CNTNAP5: variants seen among roughly 807,000 people sequenced by gnomAD.
The protein encoded by CNTNAP5 is contactin-associated protein-like 5.
CNTNAP5 carries 72 observed loss-of-function variants against 150.2 expected under a neutral mutation model. The observed-to-expected ratio is 0.48, with a 90% CI of 0.40 to 0.58. The LOEUF (loss-of-function observed/expected upper bound fraction) is 0.58. Among genes scored for constraint, CNTNAP5 ranks in the 20% least tolerant of loss-of-function variants. The pLI is 0.00. For missense variants in CNTNAP5, 1,636 were observed against 1,626.2 expected, an observed-to-expected ratio of 1.01 and a Z score of -0.10; for synonymous variants, 672 against 619.8, an observed-to-expected ratio of 1.08 and a Z score of -1.25.
At chr2:124,236,040 A>G (rs945379673) in intron 2 of CNTNAP5, among the ~76,000 whole-genome samples, 1 of 152,114 alleles carries the variant, frequency 6.6e-6, no homozygotes, top group East Asian at 1.9e-4. Flanking sequence ...ATCTTGGCTC[A>G]TTGAAACCTC....
At chr2:124,700,843 A>G (rs555947586) in intron 13 of CNTNAP5, among the ~76,000 whole-genome samples, 1 of 152,130 alleles carries the variant, frequency 6.6e-6, no homozygotes, top group African/African-American at 2.4e-5. Flanking sequence ...AGATACATAT[A>G]GATATTAGGT....
intron 1 of CNTNAP5, among the ~76,000 whole-genome samples, chr2:124,164,209 C>T (rs987734507): frequency 9.2e-5 from 14 of 152,184 alleles, no homozygotes; most frequent in Non-Finnish European, 1.2e-4. Context: ...ACGCAATACT[C>T]CTGCCTTCAT....
At chr2:124,104,196 T>A (rs1558756704) in intron 1 of CNTNAP5, among the ~76,000 whole-genome samples, 1 of 151,940 alleles carries the variant, frequency 6.6e-6, no homozygotes, top group Non-Finnish European at 1.5e-5. Flanking sequence ...TTTTCTTTCA[T>A]TTTTGAAGGA....
intron 1 of CNTNAP5, among the ~76,000 whole-genome samples, chr2:124,091,399 C>T (rs1682809022): frequency 6.6e-6 from 1 of 152,116 alleles, no homozygotes; most frequent in African/African-American, 2.4e-5. Flanking sequence ...AGAGAAATGA[C>T]TTGCAAAATT....
At chr2:124,521,585 G>A (rs1340894036) in intron 8 of CNTNAP5, among the ~76,000 whole-genome samples, 4 of 151,966 alleles carry the variant, frequency 2.6e-5, no homozygotes, top group African/African-American at 9.7e-5. Context: ...TAATTCGAGG[G>A]GACACTCACT....
At chr2:124,552,363 A>G (rs1460318284) in intron 10 of CNTNAP5, among the ~76,000 whole-genome samples, 1 of 152,176 alleles carries the variant, frequency 6.6e-6, no homozygotes, top group African/African-American at 2.4e-5. Flanking sequence ...AGGCAGTGAC[A>G]CCAGGACAGG....
chr2:124,816,084 G>A (rs1230747562), intron 19 of CNTNAP5, among the ~76,000 whole-genome samples: 1 of 152,164 alleles, frequency 6.6e-6, no homozygotes, highest in East Asian at 1.9e-4. Context: ...CAATATAAAT[G>A]AATAAAAATC....
intron 19 of CNTNAP5, among the ~76,000 whole-genome samples, chr2:124,844,257 G>A (rs1219095168): frequency 6.6e-6 from 1 of 151,918 alleles, no homozygotes; most frequent in Non-Finnish European, 1.5e-5. Flanking sequence ...AATACAATTT[G>A]TTGAATAGGG....
At chr2:124,128,804 C>T (rs904846243) in intron 1 of CNTNAP5, among the ~76,000 whole-genome samples, 4 of 152,096 alleles carry the variant, frequency 2.6e-5, no homozygotes, top group South Asian at 2.1e-4. Flanking sequence ...AGCAAACTAT[C>T]GCAAGGGCAG....
intron 1 of CNTNAP5, among the ~76,000 whole-genome samples, chr2:124,167,884 A>G (rs1684842836): frequency 6.6e-6 from 1 of 152,190 alleles, no homozygotes; most frequent in Admixed American, 6.6e-5. Flanking sequence ...CCAAACCAAA[A>G]TAAAGAAAGG....
intron 1 of CNTNAP5, among the ~76,000 whole-genome samples, chr2:124,051,630 G>C (rs773767287): frequency 6.6e-6 from 1 of 152,192 alleles, no homozygotes; most frequent in Non-Finnish European, 1.5e-5. Flanking sequence ...CATTGATGGT[G>C]GTGGTGGTGG....
chr2:124,598,807 A>G (rs1366149096), intron 11 of CNTNAP5, among the ~76,000 whole-genome samples: 17 of 152,254 alleles, frequency 1.1e-4, no homozygotes, highest in Non-Finnish European at 2.1e-4. Context: ...TTCCGTGGGC[A>G]TAGGACCCTC....
chr2:124,261,871 G>C (rs1687467265), intron 3 of CNTNAP5, among the ~76,000 whole-genome samples: 1 of 151,214 alleles, frequency 6.6e-6, no homozygotes, highest in Non-Finnish European at 1.5e-5. Flanking sequence ...AGGGGTCAAG[G>C]AAACATGTGC....
intron 6 of CNTNAP5, among the ~76,000 whole-genome samples, chr2:124,457,610 C>T (rs571761498): frequency 1.3e-5 from 2 of 152,142 alleles, no homozygotes; most frequent in South Asian, 2.1e-4. Context: ...CATAGGTAAA[C>T]GTGTGCCATG....
At chr2:124,589,783 G>C (rs1696639168) in intron 11 of CNTNAP5, among the ~76,000 whole-genome samples, 1 of 152,120 alleles carries the variant, frequency 6.6e-6, no homozygotes, top group African/African-American at 2.4e-5. Context: ...TAGTTCCATG[G>C]AATTTTAACC....
chr2:124,048,978 C>T (rs1317438679), intron 1 of CNTNAP5, among the ~76,000 whole-genome samples: 2 of 152,164 alleles, frequency 1.3e-5, no homozygotes, highest in African/African-American at 2.4e-5. Context: ...CAATTTTCTC[C>T]AATGCTTTTG....
chr2:124,706,746 C>CAAGAAGTAGAAGAAG (rs1679646688), intron 13 of CNTNAP5, among the ~76,000 whole-genome samples: 1 of 52,202 alleles, frequency 1.9e-5, no homozygotes, highest in African/African-American at 8.8e-5. Flanking sequence ...GACTCTGTTT[C>CAAGAAGTAGAAGAAG]AAGAAGAAGA....
At chr2:124,045,732 G>C (rs1681514129) in intron 1 of CNTNAP5, among the ~76,000 whole-genome samples, 1 of 152,124 alleles carries the variant, frequency 6.6e-6, no homozygotes. Context: ...TCTAATGACA[G>C]TTTTTAGACA....
At chr2:124,326,055 A>T (rs1573917518) in intron 3 of CNTNAP5, among the ~76,000 whole-genome samples, 1 of 148,652 alleles carries the variant, frequency 6.7e-6, no homozygotes, top group East Asian at 1.9e-4. Context: ...GATAACAAAT[A>T]AGTAATACAT....
Sources: allele counts gnomAD v4.1 joint callset (sites outside exome capture counted in the v4.1 genomes callset), GRCh38; gene constraint gnomAD v4.1.1; transcripts MANE v1.5; gene names NCBI Gene and HGNC (gene_info 2026-07-23, HGNC 2026-07-21).